The following ARRDC1 variants were observed in gnomAD, a reference collection of about 807,000 sequenced individuals.
ARRDC1 encodes the protein arrestin domain-containing protein 1.
ARRDC1 carries 37 observed loss-of-function variants against 40.1 expected under a neutral mutation model. The observed-to-expected ratio is 0.92, with a 90% CI of 0.71 to 1.21. The LOEUF (loss-of-function observed/expected upper bound fraction) is 1.21, where lower values mean the gene tolerates loss of function less well. Ranked by LOEUF, ARRDC1 falls within the 50% of genes most tolerant of loss-of-function variation. ARRDC1 has a pLI of 0.00. For synonymous variants in ARRDC1, 310 were observed against 262.5 expected, an observed-to-expected ratio of 1.18 and a Z score of -1.75; for missense variants, 641 against 581.9, an observed-to-expected ratio of 1.10 and a Z score of -1.04.
At chr9:137,606,959 T>G (rs1243812627) in intron 1 of ARRDC1, among the ~76,000 whole-genome samples, 1 of 152,076 alleles carries the variant, frequency 6.6e-6, no homozygotes, top group East Asian at 1.9e-4. Flanking sequence ...GGCCCCGCGG[T>G]GCGTGACTGG....
At chr9:137,606,296 C>T (rs936805572) in intron 1 of ARRDC1, among the ~76,000 whole-genome samples, 2 of 152,144 alleles carry the variant, frequency 1.3e-5, no homozygotes, top group African/African-American at 4.8e-5. Context: ...GCCGGCCCCC[C>T]GCCGAGGTGG....
chr9:137,612,704 A>G, intron 1 of ARRDC1, 192 bp from the exon 2 acceptor site: 2 of 562,414 alleles, frequency 3.6e-6, no homozygotes, highest in Non-Finnish European at 6.3e-6. Flanking sequence ...CGCCTGCCTG[A>G]TTCCCTTGGA....
chr9:137,615,223 C>G lies in ARRDC1; in HGVS notation c.*85C>G, dbSNP rs112136439. ...CCTCGTGCCTTCTCTCTTGGCCTAG[C>G]CTGGCCCACTCAGGACCTGCCCAGC... On this transcript the variant is annotated 3_prime_UTR_variant, in exon 8 of 8. Transcript: ENST00000371421. The G allele has an allele frequency of 2.7e-5, 35 of 1,298,222 alleles. No homozygotes were observed. In the African/African-American group the frequency reaches 5.1e-4, roughly 19 times the overall value. 80.4% of individuals were successfully genotyped at this position (1,298,222 alleles called of 1,614,324 possible).
intron 2 of ARRDC1, chr9:137,613,215 C>T (rs2133341678): frequency 2.7e-6 from 2 of 736,676 alleles, no homozygotes; most frequent in South Asian, 3.0e-5. Context: ...TTTGGGTGGG[C>T]TCTGACCCCT....
At chr9:137,613,881 G>A (rs1842594686) in intron 4 of ARRDC1, 112 bp downstream of exon 4, 1 of 1,536,486 alleles carries the variant, frequency 6.5e-7, no homozygotes, top group Non-Finnish European at 8.9e-7. Context: ...GAGGTGAGGG[G>A]GGCCAGGGTC....
At chr9:137,608,005 C>T (rs768636263) in intron 1 of ARRDC1, among the ~76,000 whole-genome samples, 2 of 152,100 alleles carry the variant, frequency 1.3e-5, no homozygotes, top group Non-Finnish European at 2.9e-5. Context: ...TTTTTCGAGA[C>T]GGAGTCTCCC....
intron 1 of ARRDC1, chr9:137,611,307 G>A (rs1588986816): frequency 6.6e-6 from 1 of 152,570 alleles, no homozygotes; most frequent in African/African-American, 2.4e-5. Context: ...CCAACACTTT[G>A]GGAGGCTGAG....
intron 1 of ARRDC1, among the ~76,000 whole-genome samples, chr9:137,606,314 G>A (rs1262192170): frequency 6.6e-6 from 1 of 152,222 alleles, no homozygotes; most frequent in Non-Finnish European, 1.5e-5. Context: ...TGGACGCCTG[G>A]GCCTCGGGGA....
Position 137,605,743 on chromosome 9 carries a change from TC to T in ARRDC1, c.27del (p.Ser10AlafsTer2). On this transcript the variant is annotated frameshift_variant, in exon 1 of 8. Coordinates refer to ENST00000371421, the MANE Select transcript of ARRDC1 (RefSeq NM_152285.4). LOFTEE classifies it high-confidence loss of function. ...ATGGGGCGAGTGCAGCTCTTCGAGA[TC>T]AGCCTGAGCCACGGCCGCGTCGTCT... MGRVQLFEISLSHGRVVYS... is the reference protein window; with the variant it reads MGRVQLFEXSLSHGRVVYS... 7.2e-7 allele frequency: 1 copy of T among 1,386,046 alleles called. No individual in the cohort carries two copies. The allele number at this position is 1,386,046 out of a possible 1,614,324, so 85.9% of individuals were successfully genotyped here. A position where few individuals can be genotyped will look rare whatever the true frequency, so the allele number is the denominator to read the frequency against.
At position 137,613,482 on chromosome 9, in the gene ARRDC1, C is replaced by T; in HGVS notation, c.252C>T (p.His84=). The part of the protein sequence containing the change: ...ADKGSLPAGE[H]SFPFQFLLPA... ...CAGGGAGCCTGCCCGCTGGAGAGCA[C>T]AGCTTCCCCTTCCAGTTCCTGCTTC... The change falls in exon 3 of 8, where the codon CAC becomes CAT. Residue 84 remains histidine (H), a synonymous_variant. Coordinates refer to ENST00000371421, the MANE Select transcript of ARRDC1 (RefSeq NM_152285.4). 1 of 1,613,068 alleles carries T rather than the reference C, an allele frequency of 6.2e-7. No individual in the cohort carries two copies. Among genetic ancestry groups the T allele is most frequent in the Non-Finnish European group, 8.5e-7 (1 of 1,179,886 alleles).
chr9:137,605,688 C>G lies in ARRDC1; in HGVS notation c.-30C>G, dbSNP rs769022197. ...ACTCGCGGGCGGCGGGCGGGGGCGT[C>G]GCTGCGCGGCTGGCCGGTGAGGCCG... On this transcript the variant is annotated 5_prime_UTR_variant, in exon 1 of 8. Transcript: ENST00000371421. The G allele has an allele frequency of 1.5e-6, 2 of 1,297,598 alleles. No homozygotes were observed. Among genetic ancestry groups the G allele is most frequent in the Non-Finnish European group, 2.0e-6 (2 of 1,019,818 alleles). 80.4% of individuals were successfully genotyped at this position (1,297,598 alleles called of 1,614,324 possible).
chr9:137,606,009 C>T (rs984688641), intron 1 of ARRDC1, among the ~76,000 whole-genome samples, 174 bp downstream of exon 1: 31 of 151,712 alleles, frequency 2.0e-4, no homozygotes, highest in African/African-American at 7.2e-4. Flanking sequence ...CGGCGCCGCC[C>T]TTCCGCGTCT....
rs59144572 is a variant in ARRDC1, at chr9:137,606,242, C to T, written c.118+407C>T. ...TGCGGTCCCGGCGGGGTGCAGACAC[C>T]TGCTGCGGCTCCCTGCGCCCCCTGC... On this transcript the variant is annotated intron_variant, in intron 1 of 7. Transcript: ENST00000371421. 6.4e-3 allele frequency among the ~76,000 whole-genome samples: 978 copies of T among 152,246 alleles called. 8 individuals are homozygous for T. The highest frequency in any genetic ancestry group is 0.022 in the African/African-American group (920 of 41,564).
At chr9:137,607,340 C>G (rs114792095) in intron 1 of ARRDC1, among the ~76,000 whole-genome samples, 41 of 152,326 alleles carry the variant, frequency 2.7e-4, no homozygotes, top group African/African-American at 8.9e-4. Context: ...AGGCCCTCAG[C>G]CCCCAGGAGG....
At chr9:137,610,721 G>A (rs1842500399) in intron 1 of ARRDC1, among the ~76,000 whole-genome samples, 3 of 152,172 alleles carry the variant, frequency 2.0e-5, no homozygotes, top group Non-Finnish European at 4.4e-5. Flanking sequence ...GTGCCACCAT[G>A]CCCAGCTAAT....
Position 137,613,405 on chromosome 9 carries a change from C to T in ARRDC1, c.230-55C>T, listed in dbSNP as rs1374158771. ...CCCACTCTTATCCTGGCCCTGTGGC[C>T]ACCTCAGGCCACCTCAGGGGGGGAC... On this transcript the variant is annotated intron_variant, in intron 2 of 7. Coordinates refer to ENST00000371421, the MANE Select transcript of ARRDC1 (RefSeq NM_152285.4). 8.4e-6 allele frequency: 13 copies of T among 1,554,336 alleles called. No homozygotes were observed. In the African/African-American group the frequency reaches 1.4e-4, roughly 17 times the overall value.
Position 137,605,805 on chromosome 9 carries a change from G to T in ARRDC1, c.88G>T (p.Val30Leu), listed in dbSNP as rs770186469. ...GGAGCCGTTGGCTGGGACCGTGCGCGTGCGCCTGGGGGCACCGCTGCCGTT... is the reference window on the plus strand; with the variant it reads ...GGAGCCGTTGGCTGGGACCGTGCGCTTGCGCCTGGGGGCACCGCTGCCGTT... ...PGEPLAGTVR[V>L]RLGAPLPFRA... The change falls in exon 1 of 8, where the codon GTG becomes TTG. Residue 30 changes from valine (V) to leucine (L), a missense_variant. Transcript: ENST00000371421. 26 of 1,292,182 alleles carry T rather than the reference G, an allele frequency of 2.0e-5. No homozygotes were observed. The highest frequency in any genetic ancestry group is 2.5e-5 in the Non-Finnish European group (26 of 1,020,520). The allele number at this position is 1,292,182 out of a possible 1,614,324, so 80.0% of individuals were successfully genotyped here.
At chr9:137,614,500 G>T (rs1842620212) in intron 6 of ARRDC1, 25 bp downstream of exon 6, 2 of 1,613,102 alleles carry the variant, frequency 1.2e-6, no homozygotes, top group South Asian at 1.1e-5. Flanking sequence ...GGGGCTGGGT[G>T]GTCTGAGGCC....
At chr9:137,608,583 C>T (rs896958058) in intron 1 of ARRDC1, among the ~76,000 whole-genome samples, 2 of 152,258 alleles carry the variant, frequency 1.3e-5, no homozygotes, top group South Asian at 2.1e-4. Flanking sequence ...ATTGCTCTGG[C>T]TTCTCCGTGG....
Sources: gnomAD v4.1 joint callset for allele counts (sites outside exome capture counted in the v4.1 genomes callset) on GRCh38, gnomAD v4.1.1 for gene constraint, MANE v1.5 for transcripts, NCBI Gene and HGNC (gene_info 2026-07-23, HGNC 2026-07-21) for gene names.